NSMF: variants seen among roughly 807,000 people sequenced by gnomAD.
NSMF encodes the protein nasal embryonic LHRH factor.
NSMF carries 31 observed loss-of-function variants against 71.0 expected under a neutral mutation model. That is an observed-to-expected ratio of 0.44 (90% CI 0.33 to 0.59). The LOEUF (loss-of-function observed/expected upper bound fraction) is 0.59. Among genes scored for constraint, NSMF ranks in the 20% least tolerant of loss-of-function variants. The pLI is 0.04. For synonymous variants in NSMF, 345 were observed against 287.1 expected, an observed-to-expected ratio of 1.20 and a Z score of -2.04; for missense variants, 673 against 740.5, an observed-to-expected ratio of 0.91 and a Z score of 1.06.
In NSMF at chr9:137,456,472, G is replaced by C. The variant is rs752814717; in HGVS notation, c.643C>G (p.Arg215Gly). 2.5e-6 allele frequency: 4 copies of C among 1,612,072 alleles called. No homozygotes were observed. The highest frequency in any genetic ancestry group is 3.4e-6 in the Non-Finnish European group (4 of 1,178,696). ...AGATTTTCCTTGGGGAACCAGGTAC[G>C]AATAGGGATGTCGTCTAAGAGAGAC... ...VDRVSDDIPIRTWFPKENLFS... is the reference protein window; with the variant it reads ...VDRVSDDIPIGTWFPKENLFS... The change falls in exon 4 of 16, where the codon CGT (arginine) becomes GGT (glycine). Residue 215 changes from arginine (R) to glycine (G), a missense_variant. Physicochemically the swap from Arg to Gly is moderately radical, Grantham distance 125. Coordinates refer to ENST00000371475, the MANE Select transcript of NSMF (RefSeq NM_001130969.3).
At position 137,449,268 on chromosome 9, in the gene NSMF, A is replaced by AGGTGC; in HGVS notation, c.*121_*125dup. 13 of 780,026 alleles carry AGGTGC rather than the reference A, an allele frequency of 1.7e-5. No individual in the cohort carries two copies. Among genetic ancestry groups the AGGTGC allele is most frequent in the Non-Finnish European group, 2.8e-5 (13 of 457,384 alleles). The allele number at this position is 780,026 out of a possible 1,614,324, so 48.3% of individuals were successfully genotyped here. A position where few individuals can be genotyped will look rare whatever the true frequency, so the allele number is the denominator to read the frequency against. On this transcript the variant is annotated 3_prime_UTR_variant, in exon 16 of 16. Coordinates refer to ENST00000371475, the MANE Select transcript of NSMF (RefSeq NM_001130969.3). ...ACAGGGGGAACCTGAGCAACGTCTG[A>AGGTGC]GGTGCCCTGAAGTGGCTCCAGGCGA...
At chr9:137,450,328 G>A (rs2131947927) in intron 12 of NSMF, 73 bp from the exon 13 acceptor site, 2 of 1,274,192 alleles carry the variant, frequency 1.6e-6, no homozygotes, top group Non-Finnish European at 2.3e-6. Flanking sequence ...CCACGCACAT[G>A]CGTGGGAGGT....
chr9:137,450,132 T>C (rs757948638), intron 13 of NSMF, 44 bp downstream of exon 13: 3 of 1,592,940 alleles, frequency 1.9e-6, no homozygotes, highest in Non-Finnish European at 2.6e-6. Flanking sequence ...GGGCCTGGAC[T>C]CTGCCTCCAG....
At position 137,459,294 on chromosome 9, in the gene NSMF, T is replaced by C. The variant is rs1831056132; in HGVS notation, c.-192A>G. The C allele has an allele frequency of 4.8e-6, 1 of 209,052 alleles. No individual in the cohort carries two copies. The highest frequency in any genetic ancestry group is 8.4e-6 in the Non-Finnish European group (1 of 118,412). 12.9% of individuals were successfully genotyped at this position (209,052 alleles called of 1,614,324 possible). A position where few individuals can be genotyped will look rare whatever the true frequency, so the allele number is the denominator to read the frequency against. ...GTCCCCGCATGGCCGCACCCGGCGC[T>C]CCGCGCGTGCCGCCGCTCCCGGGAG... is the stretch of plus-strand genomic sequence containing the variant. On this transcript the variant is annotated 5_prime_UTR_variant, in exon 1 of 16. Coordinates refer to ENST00000371475, the MANE Select transcript of NSMF (RefSeq NM_001130969.3).
At position 137,457,669 on chromosome 9, in the gene NSMF, C is replaced by T. The variant is rs1262662550; in HGVS notation, c.366G>A (p.Ala122=). ...PSPEAEAIEL[A]VVKGRRQRHP... is the part of the protein sequence containing the mutation. ...GCCGCTGCCGCCGCCCCTTCACCAC[C>T]GCCAGCTCAATGGCCTCCGCCTCAG... is the stretch of plus-strand genomic sequence containing the variant. The change falls in exon 3 of 16, where the codon GCG becomes GCA. Residue 122 remains alanine, a synonymous_variant. Coordinates refer to ENST00000371475, the MANE Select transcript of NSMF (RefSeq NM_001130969.3). 1.8e-5 allele frequency: 28 copies of T among 1,550,476 alleles called. No individual in the cohort carries two copies. The highest frequency in any genetic ancestry group is 4.9e-5 in the East Asian group (2 of 40,986).
Position 137,452,654 on chromosome 9 carries a change from T to G in NSMF, c.1132-68A>C, listed in dbSNP as rs755163578. The G allele has an allele frequency of 1.2e-5, 19 of 1,605,370 alleles. No individual in the cohort carries two copies. The African/African-American group carries it at 2.5e-4, about 21-fold the overall frequency. On this transcript the variant is annotated intron_variant, in intron 10 of 15. Coordinates refer to ENST00000371475, the MANE Select transcript of NSMF (RefSeq NM_001130969.3). Reference sequence around the variant, plus strand: ...CAGAGCCAGCAGCGCCACAGCACCCTGGGGACCTGGGGTGCCGGCGCTGGC... The same window carrying G: ...CAGAGCCAGCAGCGCCACAGCACCCGGGGGACCTGGGGTGCCGGCGCTGGC...
At chr9:137,454,489 G>C (rs1335483944) in intron 6 of NSMF, 46 bp from the exon 7 acceptor site, 1 of 1,549,534 alleles carries the variant, frequency 6.5e-7, no homozygotes, top group Non-Finnish European at 8.7e-7. Flanking sequence ...AGAGGGTGAC[G>C]GCAGCCCCTG....
At position 137,457,774 on chromosome 9, in the gene NSMF, G is replaced by A. The variant is rs538005709; in HGVS notation, c.261C>T (p.Pro87=). 21 of 1,560,102 alleles carry A rather than the reference G, an allele frequency of 1.3e-5. 1 individual carries two copies. The South Asian group carries it at 1.7e-4, about 12-fold the overall frequency. ...GCYEGSLSEE[P]SIRKPAGEGP... is the part of the protein sequence containing the mutation. The stretch of plus-strand genomic sequence containing the variant: ...CCTCGCCTGCGGGCTTCCTAATGCT[G>A]GGCTCCTCTGAGAGGCTGCCCTCGT... The change falls in exon 3 of 16, where the codon CCC becomes CCT. Residue 87 remains proline, a synonymous_variant. Coordinates refer to ENST00000371475, the MANE Select transcript of NSMF (RefSeq NM_001130969.3).
chr9:137,455,628 C>T lies in NSMF; in HGVS notation c.710+1G>A, dbSNP rs923607827. ...AGGCACCAAGTCATACAGGTACTTA[C>T]GAGATGCTGAAGCCAGGGCCAGAAG... On this transcript the variant is annotated splice_donor_variant, in intron 5 of 15. Transcript: ENST00000371475. LOFTEE classifies it high-confidence loss of function. 44 of 1,550,254 alleles carry T rather than the reference C, an allele frequency of 2.8e-5. No homozygotes were observed. Among genetic ancestry groups the T allele is most frequent in the Middle Eastern group, 1.7e-4 (1 of 6,012 alleles).
chr9:137,457,289 G>A, intron 3 of NSMF, 118 bp downstream of exon 3: 1 of 1,414,860 alleles, frequency 7.1e-7, no homozygotes, highest in Non-Finnish European at 1.0e-6. Context: ...GAGTCCGCTG[G>A]CATGCTGTGA....
chr9:137,449,742 G>A (rs1342230625), intron 14 of NSMF, 68 bp from the exon 15 acceptor site: 3 of 1,453,430 alleles, frequency 2.1e-6, no homozygotes, highest in East Asian at 2.3e-5. Context: ...GAGGAGATGG[G>A]GAGCAGGGCC....
At chr9:137,456,754 A>G (rs1206730166) in intron 3 of NSMF, among the ~76,000 whole-genome samples, 1 of 152,204 alleles carries the variant, frequency 6.6e-6, no homozygotes, top group African/African-American at 2.4e-5. Context: ...TTTGAGAAAC[A>G]TTCCTTTGAA....
chr9:137,449,052 T>G lies in NSMF; in HGVS notation c.*342A>C. On this transcript the variant is annotated 3_prime_UTR_variant, in exon 16 of 16. Coordinates refer to ENST00000371475, the MANE Select transcript of NSMF (RefSeq NM_001130969.3). ...ACAAGAAATGCTGCTTCCCTTTGAA[T>G]TGTTTCGGGGGTGTAGAAATTGCAC... 6 of 436,808 alleles carry G rather than the reference T, an allele frequency of 1.4e-5. No individual in the cohort carries two copies. The highest frequency in any genetic ancestry group is 2.2e-5 in the South Asian group (1 of 45,664). The allele number at this position is 436,808 out of a possible 1,614,324, so 27.1% of individuals were successfully genotyped here.
Position 137,453,473 on chromosome 9 carries a change from C to A in NSMF, c.922+258G>T. 1 of 594,150 alleles carries A rather than the reference C, an allele frequency of 1.7e-6. No individual in the cohort carries two copies. 36.8% of individuals were successfully genotyped at this position (594,150 alleles called of 1,614,324 possible). On this transcript the variant is annotated intron_variant, in intron 8 of 15. Coordinates refer to ENST00000371475, the MANE Select transcript of NSMF (RefSeq NM_001130969.3). This position sits in a 1 kb window ranked among gnomAD's most constrained non-coding sequence, Gnocchi z 4.5. ...GAGGGAGTGGGGGCGGGCACCGCAG[C>A]CCCCTGCCCCTGAGGGCCTCTTGCG...
intron 14 of NSMF, 72 bp from the exon 15 acceptor site, chr9:137,449,746 C>A: frequency 1.4e-6 from 2 of 1,432,858 alleles, no homozygotes; most frequent in Non-Finnish European, 1.9e-6. Context: ...AGATGGGGAG[C>A]AGGGCCCACC....
chr9:137,457,225 C>T (rs1830879857), intron 3 of NSMF, among the ~76,000 whole-genome samples, 182 bp downstream of exon 3: 1 of 152,174 alleles, frequency 6.6e-6, no homozygotes, highest in African/African-American at 2.4e-5. Context: ...GCTGAGGGAG[C>T]TCACAGCTCA....
chr9:137,453,308 C>A lies in NSMF; in HGVS notation c.923-128G>T, dbSNP rs958627810. 3.7e-6 allele frequency: 5 copies of A among 1,366,846 alleles called. No homozygotes were observed. The highest frequency in any genetic ancestry group is 2.9e-5 in the African/African-American group (2 of 69,536). The allele number at this position is 1,366,846 out of a possible 1,614,324, so 84.7% of individuals were successfully genotyped here. ...CCTCCAAGCAAGTGGGAGGACCATA[C>A]AGAGGTCGCCGCCAGCCCGGCAGGA... On this transcript the variant is annotated intron_variant, in intron 8 of 15. Coordinates refer to ENST00000371475, the MANE Select transcript of NSMF (RefSeq NM_001130969.3). The surrounding 1 kb of genome is among the most constrained non-coding windows in gnomAD (Gnocchi z 4.5).
rs371704778 is a variant in NSMF at position 137,453,376 on chromosome 9, G to A, written c.923-196C>T. ...CTGGGCAGCGGCCTGATGTGGGAAGGGAGACCCTGGTGCGAGGCCGGTGGA... is the reference window on the plus strand; with the variant it reads ...CTGGGCAGCGGCCTGATGTGGGAAGAGAGACCCTGGTGCGAGGCCGGTGGA... On this transcript the variant is annotated intron_variant, in intron 8 of 15. Coordinates refer to ENST00000371475, the MANE Select transcript of NSMF (RefSeq NM_001130969.3). The surrounding 1 kb of genome is among the most constrained non-coding windows in gnomAD (Gnocchi z 4.5). 4 of 728,442 alleles carry A rather than the reference G, an allele frequency of 5.5e-6. 1 individual carries two copies. The highest frequency in any genetic ancestry group is 5.3e-5 in the African/African-American group (3 of 56,374). 45.1% of individuals were successfully genotyped at this position (728,442 alleles called of 1,614,324 possible).
chr9:137,455,559 A>G (rs977300716), intron 5 of NSMF, 70 bp downstream of exon 5: 2 of 1,505,534 alleles, frequency 1.3e-6, no homozygotes, highest in African/African-American at 2.8e-5. Context: ...GCCCAAACCT[A>G]TTTGGGGTGG....
Sources: gnomAD v4.1 joint callset for allele counts (sites outside exome capture counted in the v4.1 genomes callset) on GRCh38, gnomAD v4.1.1 for gene constraint, Gnocchi (gnomAD v3.1) non-coding constraint, MANE v1.5 for transcripts, NCBI Gene and HGNC (gene_info 2026-07-23, HGNC 2026-07-21) for gene names.